The following PDE1A variants were observed in gnomAD, a reference collection of about 807,000 sequenced individuals.
PDE1A encodes the protein dual specificity calcium/calmodulin-dependent 3',5'-cyclic nucleotide phosphodiesterase 1A.
A neutral mutation model predicts 61.7 loss-of-function variants in PDE1A; 35 were observed. That is an observed-to-expected ratio of 0.57 (90% CI 0.43 to 0.75). The LOEUF (loss-of-function observed/expected upper bound fraction) is 0.75, where lower values mean the gene tolerates loss of function less well. PDE1A is among the 30% of genes least tolerant of loss of function. PDE1A has a pLI of 0.00. For synonymous variants in PDE1A, 232 were observed against 213.2 expected (o/e 1.09, Z -0.77); for missense variants, 597 against 630.6 (o/e 0.95, Z 0.57).
chr2:182,548,273 C>G, the PDE1A span, among the ~76,000 whole-genome samples: 2 of 152,100 alleles, frequency 1.3e-5, no homozygotes, highest in Admixed American at 1.3e-4. Context: ...GCCTTTTTTC[C>G]CAAGACCTCC....
In PDE1A at chr2:182,177,000, G is replaced by A. The variant is rs868658340; in HGVS notation, c.1517-8710C>T. On this transcript the variant is annotated intron_variant, in intron 13 of 13. Coordinates refer to ENST00000351439, the Ensembl canonical transcript of PDE1A. The stretch of plus-strand genomic sequence containing the variant: ...TGCTGGATTACATTTATTGATTTGC[G>A]TATATTGAACCAGCCTTGCATCCCA... 8.0e-3 allele frequency among the ~76,000 whole-genome samples: 1,201 copies of A among 150,502 alleles called. 6 individuals are homozygous for A. Among genetic ancestry groups the A allele is most frequent in the Non-Finnish European group, 0.01 (709 of 67,556 alleles).
intron 2 of PDE1A, among the ~76,000 whole-genome samples, chr2:182,449,049 T>TACACATACACATACAC (rs1685328394): frequency 1.1e-5 from 1 of 90,574 alleles, no homozygotes; most frequent in Non-Finnish European, 2.7e-5. Context: ...ATCATACACA[T>TACACATACACATACAC]ACACACACAC....
chr2:182,715,081 TTC>T, the PDE1A span, among the ~76,000 whole-genome samples: 1 of 152,128 alleles, frequency 6.6e-6, no homozygotes, highest in Non-Finnish European at 1.5e-5. Context: ...TCTTCCAGTT[TTC>T]TGTTTGTTTT....
the PDE1A span, among the ~76,000 whole-genome samples, chr2:182,673,862 C>A: frequency 6.6e-6 from 1 of 151,582 alleles, no homozygotes; most frequent in Non-Finnish European, 1.5e-5. Context: ...TCTGTATTTT[C>A]TAGGCTGATC....
intron 2 of PDE1A, among the ~76,000 whole-genome samples, chr2:182,472,978 ATACTTT>A (rs1687130502): frequency 6.6e-6 from 1 of 151,100 alleles, no homozygotes; most frequent in Non-Finnish European, 1.5e-5. Flanking sequence ...TATTGTTATT[ATACTTT>A]AAGTTTTAGG....
chr2:182,655,477 A>G, the PDE1A span, among the ~76,000 whole-genome samples: 1 of 152,228 alleles, frequency 6.6e-6, no homozygotes, highest in African/African-American at 2.4e-5. Flanking sequence ...CTATTTCCAC[A>G]CCTGCATACC....
chr2:182,258,061 G>A (rs528357324), intron 2 of PDE1A, among the ~76,000 whole-genome samples: 11 of 152,116 alleles, frequency 7.2e-5, no homozygotes, highest in African/African-American at 1.4e-4. Flanking sequence ...CCAGCTACGC[G>A]GGAGGCTGAG....
chr2:182,662,046 G>GA, the PDE1A span, among the ~76,000 whole-genome samples: 1 of 151,716 alleles, frequency 6.6e-6, no homozygotes, highest in Non-Finnish European at 1.5e-5. Context: ...AAACCATTTT[G>GA]AAAAAAACTA....
chr2:182,407,304 C>A lies in PDE1A; in HGVS notation c.53+19274G>T, dbSNP rs146204934. Among the ~76,000 whole-genome samples, 428 of 148,314 alleles carry A rather than the reference C, an allele frequency of 2.9e-3. 2 individuals carry two copies. Among genetic ancestry groups the A allele is most frequent in the African/African-American group, 9.8e-3 (396 of 40,472 alleles). On this transcript the variant is annotated intron_variant, in intron 1 of 13. Coordinates refer to ENST00000351439, the Ensembl canonical transcript of PDE1A. Reference sequence around the variant, plus strand: ...TGTGTATTATACTTGGTAAACATTTCCAAAGTTTATAATTGTTCAGGATAA... The same window carrying A: ...TGTGTATTATACTTGGTAAACATTTACAAAGTTTATAATTGTTCAGGATAA...
intron 2 of PDE1A, among the ~76,000 whole-genome samples, chr2:182,256,816 A>C (rs1010853020): frequency 6.6e-6 from 1 of 152,252 alleles, no homozygotes; most frequent in African/African-American, 2.4e-5. Context: ...GTGAACAAAA[A>C]CATACAAAAA....
chr2:182,384,947 T>C (rs1294393696), intron 1 of PDE1A, among the ~76,000 whole-genome samples: 2 of 152,074 alleles, frequency 1.3e-5, no homozygotes, highest in African/African-American at 4.8e-5. Flanking sequence ...TAGCATATAA[T>C]AGGATTCCAG....
At chr2:182,266,092 A>G (rs1228552990) in intron 1 of PDE1A, among the ~76,000 whole-genome samples, 2 of 152,194 alleles carry the variant, frequency 1.3e-5, no homozygotes, top group African/African-American at 2.4e-5. Context: ...AAAACGTCTT[A>G]CTCAGGAAGC....
chr2:182,142,865 TA>T, downstream of PDE1A: 1 of 150,626 alleles, frequency 6.6e-6, no homozygotes, highest in East Asian at 1.9e-4. Context: ...AAAACTCTGA[TA>T]AAAACTTGAG....
At chr2:182,176,406 T>C (rs1223414058) in intron 13 of PDE1A, among the ~76,000 whole-genome samples, 2 of 148,470 alleles carry the variant, frequency 1.3e-5, no homozygotes, top group Non-Finnish European at 2.9e-5. Flanking sequence ...TTCACATCCC[T>C]TGTAAGTTGG....
At chr2:182,214,361 G>A (rs911411564) in intron 7 of PDE1A, among the ~76,000 whole-genome samples, 43 of 150,980 alleles carry the variant, frequency 2.8e-4, no homozygotes, top group Non-Finnish European at 5.2e-4. Context: ...ATCAACTAAC[G>A]AGCAAAATAA....
intron 1 of PDE1A, among the ~76,000 whole-genome samples, chr2:182,351,065 C>T (rs1179960205): frequency 6.6e-6 from 1 of 152,170 alleles, no homozygotes; most frequent in Non-Finnish European, 1.5e-5. Context: ...TAACAGAAAG[C>T]ACACTGAGCA....
At chr2:182,514,174 C>T (rs1020223793) in intron 2 of PDE1A, among the ~76,000 whole-genome samples, 2 of 152,090 alleles carry the variant, frequency 1.3e-5, no homozygotes, top group Non-Finnish European at 2.9e-5. Flanking sequence ...TTAAAGAAAT[C>T]AGAGATGACA....
At chr2:182,462,935 A>G (rs190746210) in intron 2 of PDE1A, among the ~76,000 whole-genome samples, 8 of 152,288 alleles carry the variant, frequency 5.3e-5, no homozygotes, top group Non-Finnish European at 8.8e-5. Flanking sequence ...TTGTATTAAT[A>G]AAATGACTAC....
rs146963864 is a variant in PDE1A, at chr2:182,315,694, T to A, written c.54-51280A>T. 5.4e-3 allele frequency among the ~76,000 whole-genome samples: 819 copies of A among 152,308 alleles called. 7 individuals carry two copies. Among genetic ancestry groups the A allele is most frequent in the African/African-American group, 0.018 (741 of 41,570 alleles). On this transcript the variant is annotated intron_variant, in intron 1 of 13. Coordinates refer to ENST00000351439, the Ensembl canonical transcript of PDE1A. ...TACATATCTGGGATATCTATTTTAG[T>A]GAGGGACTTTCTGGGACACTGGGGC... is the stretch of plus-strand genomic sequence containing the variant.
Sources: gnomAD v4.1 joint callset for allele counts (sites outside exome capture counted in the v4.1 genomes callset) on GRCh38, gnomAD v4.1.1 for gene constraint, MANE v1.5 for transcripts, NCBI Gene and HGNC (gene_info 2026-07-23, HGNC 2026-07-21) for gene names.